Variants in CREBRF observed in about 807,000 individuals in gnomAD.
CREBRF encodes UPF0474 protein C5orf41.
A neutral mutation model predicts 66.1 loss-of-function variants in CREBRF; 5 were observed. That is an observed-to-expected ratio of 0.08 (90% CI 0.04 to 0.16). The LOEUF (loss-of-function observed/expected upper bound fraction) is 0.16. Among genes scored for constraint, CREBRF ranks in the 10% least tolerant of loss-of-function variants. The pLI, the probability that CREBRF is intolerant of heterozygous loss-of-function variation, is 1.00. For synonymous variants in CREBRF, 229 were observed against 264.4 expected (o/e 0.87, Z 1.30); for missense variants, 531 against 744.9 (o/e 0.71, Z 3.34).
intron 7 of CREBRF, among the ~76,000 whole-genome samples, chr5:173,121,524 G>A (rs977390316): frequency 9.2e-5 from 14 of 151,856 alleles, no homozygotes; most frequent in African/African-American, 2.9e-4. Context: ...GGGTTTCACC[G>A]TGTTAGCCAG....
rs546391042 is a variant in CREBRF, at chr5:173,137,347, T to C, written c.*3602T>C. ...TATGGTTTCAAATTCCCTCTCTTTA[T>C]AGTTATTTTATATTTGTATGAAAGA... On this transcript the variant is annotated 3_prime_UTR_variant, in exon 9 of 9. Coordinates refer to ENST00000296953, the MANE Select transcript of CREBRF (RefSeq NM_153607.3). 1 of 152,212 alleles carries C rather than the reference T, an allele frequency of 6.6e-6. No individual in the cohort carries two copies. Among genetic ancestry groups the C allele is most frequent in the Non-Finnish European group, 1.5e-5 (1 of 67,946 alleles). The allele number at this position is 152,212 out of a possible 1,614,324, so 9.4% of individuals were successfully genotyped here.
In CREBRF at chr5:173,093,840, A is replaced by G. The variant is rs77076727; in HGVS notation, c.1222+2439A>G. ...CCCAGTATTGTTATCTGTAGTCACA[A>G]TGCTGTATGTTAGATCTCCAGAGCT... On this transcript the variant is annotated intron_variant, in intron 4 of 8. Transcript: ENST00000296953. Among the ~76,000 whole-genome samples the G allele has an allele frequency of 2.2e-4, 34 of 152,288 alleles. No homozygotes were observed. The East Asian group carries it at 6.6e-3, about 29-fold the overall frequency.
chr5:173,113,996 G>A (rs1475821644), intron 7 of CREBRF, among the ~76,000 whole-genome samples: 1 of 152,172 alleles, frequency 6.6e-6, no homozygotes, highest in Non-Finnish European at 1.5e-5. Flanking sequence ...GAAACAGTGT[G>A]AACAATGACC....
At chr5:173,097,613 A>G (rs1758509352) in intron 4 of CREBRF, among the ~76,000 whole-genome samples, 1 of 151,862 alleles carries the variant, frequency 6.6e-6, no homozygotes, top group South Asian at 2.1e-4. Context: ...TATTTTTTTC[A>G]TGATTCAGTC....
intron 8 of CREBRF, among the ~76,000 whole-genome samples, chr5:173,131,226 G>A (rs142638340): frequency 8.5e-5 from 13 of 152,254 alleles, no homozygotes; most frequent in African/African-American, 3.1e-4. Context: ...AAAATAACTC[G>A]TAAAAATCAT....
chr5:173,056,725 G>T lies in CREBRF; in HGVS notation c.-192+246G>T, dbSNP rs576764298. Among the ~76,000 whole-genome samples, 45 of 152,144 alleles carry T rather than the reference G, an allele frequency of 3.0e-4. No homozygotes were observed. The South Asian group carries it at 4.1e-3, about 14-fold the overall frequency. ...GCCCGGGACGGTTACATAAAAGCGCGGGGCGGCGGTAGATGGGACTCGCGG... is the reference window on the plus strand; with the variant it reads ...GCCCGGGACGGTTACATAAAAGCGCTGGGCGGCGGTAGATGGGACTCGCGG... On this transcript the variant is annotated intron_variant, in intron 1 of 8. Coordinates refer to ENST00000296953, the MANE Select transcript of CREBRF (RefSeq NM_153607.3).
intron 2 of CREBRF, among the ~76,000 whole-genome samples, chr5:173,083,333 C>T (rs1165253290): frequency 2.6e-5 from 4 of 152,132 alleles, no homozygotes; most frequent in African/African-American, 9.7e-5. Context: ...TGAGCCCAGA[C>T]TTGACTCTGG....
chr5:173,103,977 C>T (rs1758689685), intron 4 of CREBRF, among the ~76,000 whole-genome samples: 1 of 151,970 alleles, frequency 6.6e-6, no homozygotes, highest in Non-Finnish European at 1.5e-5. Flanking sequence ...AAGGGAAAGG[C>T]CTTAATAGGA....
chr5:173,067,854 G>A (rs533336997), intron 1 of CREBRF, among the ~76,000 whole-genome samples: 113 of 152,144 alleles, frequency 7.4e-4, no homozygotes, highest in Non-Finnish European at 1.2e-3. Flanking sequence ...CAAAAAATAA[G>A]CCGGGTGTGG....
intron 2 of CREBRF, among the ~76,000 whole-genome samples, chr5:173,082,440 A>G (rs1430532039): frequency 1.3e-5 from 2 of 152,150 alleles, no homozygotes; most frequent in Non-Finnish European, 2.9e-5. Flanking sequence ...GATAAGAGAA[A>G]GAAAAAAAAA....
chr5:173,096,069 T>C (rs1280245923), intron 4 of CREBRF, among the ~76,000 whole-genome samples: 3 of 152,030 alleles, frequency 2.0e-5, no homozygotes, highest in Non-Finnish European at 4.4e-5. Flanking sequence ...TCCCGGGTTA[T>C]GCCATTCTCC....
chr5:173,101,277 ATACT>A (rs1758622095), intron 4 of CREBRF, among the ~76,000 whole-genome samples: 1 of 151,722 alleles, frequency 6.6e-6, no homozygotes, highest in Admixed American at 6.6e-5. Flanking sequence ...GGCTGGTCTT[ATACT>A]CCTGGGCTGA....
chr5:173,085,886 C>T, intron 2 of CREBRF: 1 of 852,778 alleles, frequency 1.2e-6, no homozygotes. Context: ...AGTTTGGGTC[C>T]CAACAAGCAA....
Position 173,136,476 on chromosome 5 carries a change from A to G in CREBRF, c.*2731A>G, listed in dbSNP as rs927165353. On this transcript the variant is annotated 3_prime_UTR_variant, in exon 9 of 9. Coordinates refer to ENST00000296953, the MANE Select transcript of CREBRF (RefSeq NM_153607.3). ...CTGGGCTGGTCAGAATGCTGCAGCG[A>G]TACTTGATCTATATAAAAACCTGGC... is the stretch of plus-strand genomic sequence containing the variant. 1 of 152,482 alleles carries G rather than the reference A, an allele frequency of 6.6e-6. No homozygotes were observed. The highest frequency in any genetic ancestry group is 1.5e-5 in the Non-Finnish European group (1 of 67,936). 9.4% of individuals were successfully genotyped at this position (152,482 alleles called of 1,614,324 possible).
intron 2 of CREBRF, 179 bp from the exon 3 acceptor site, chr5:173,086,322 T>C: frequency 1.5e-6 from 1 of 653,000 alleles, no homozygotes. Context: ...TTTCCTAATA[T>C]AAGTCTACAG....
At chr5:173,092,480 C>A in intron 4 of CREBRF, 1 of 897,042 alleles carries the variant, frequency 1.1e-6, no homozygotes, top group Non-Finnish European at 1.3e-6. Context: ...ATAGTATTGC[C>A]AAGTGGCACA....
intron 4 of CREBRF, among the ~76,000 whole-genome samples, chr5:173,092,499 A>G (rs1182752874): frequency 6.6e-6 from 1 of 152,240 alleles, no homozygotes; most frequent in Non-Finnish European, 1.5e-5. Context: ...CATGGTTGAA[A>G]ATGCACAAAG....
chr5:173,080,701 G>A lies in CREBRF; in HGVS notation c.-75G>A. 1.4e-6 allele frequency: 2 copies of A among 1,475,646 alleles called. No homozygotes were observed. Among genetic ancestry groups the A allele is most frequent in the Non-Finnish European group, 9.4e-7 (1 of 1,058,976 alleles). The allele number at this position is 1,475,646 out of a possible 1,614,324, so 91.4% of individuals were successfully genotyped here. A position where few individuals can be genotyped will look rare whatever the true frequency, so the allele number is the denominator to read the frequency against. On this transcript the variant is annotated 5_prime_UTR_variant, in exon 2 of 9. Coordinates refer to ENST00000296953, the MANE Select transcript of CREBRF (RefSeq NM_153607.3). ...ATCATCTTCGATCTTGGAATTGAAA[G>A]TAAAGCTGGAAAGGAATTTACAAAC...
In CREBRF at chr5:173,080,757, A is replaced by T. The variant is rs768989405; in HGVS notation, c.-19A>T. The stretch of plus-strand genomic sequence containing the variant: ...AAAAAAGAAGTTTGGAATCGGATTC[A>T]CAGGATCTGGGCTTGGAAATGCCTC... On this transcript the variant is annotated 5_prime_UTR_variant, in exon 2 of 9. Transcript: ENST00000296953. 2.4e-5 allele frequency: 38 copies of T among 1,612,670 alleles called. No individual in the cohort carries two copies. Among genetic ancestry groups the T allele is most frequent in the Non-Finnish European group, 3.1e-5 (37 of 1,179,374 alleles).
Sources: gnomAD v4.1 joint callset for allele counts (sites outside exome capture counted in the v4.1 genomes callset) on GRCh38, gnomAD v4.1.1 for gene constraint, MANE v1.5 for transcripts, NCBI Gene and HGNC (gene_info 2026-07-23, HGNC 2026-07-21) for gene names.